The following CNTNAP5 variants were observed in gnomAD, a reference collection of about 807,000 sequenced individuals.
CNTNAP5 encodes contactin-associated protein-like 5.
In CNTNAP5, 72 loss-of-function variants were observed where a neutral mutation model predicts 150.2. That is an observed-to-expected ratio of 0.48 (90% CI 0.40 to 0.58). The LOEUF (loss-of-function observed/expected upper bound fraction) is 0.58. CNTNAP5 is among the 20% of genes least tolerant of loss of function. The pLI is 0.00. For synonymous variants in CNTNAP5, 672 were observed against 619.8 expected (o/e 1.08, Z -1.25); for missense variants, 1,636 against 1,626.2 (o/e 1.01, Z -0.10).
chr2:124,671,735 G>T (rs1678827526), intron 13 of CNTNAP5, among the ~76,000 whole-genome samples: 1 of 152,078 alleles, frequency 6.6e-6, no homozygotes, highest in African/African-American at 2.4e-5. Context: ...TGCCTCCCAG[G>T]TTCAAGTGAT....
rs922495787 is a variant in CNTNAP5, at chr2:124,241,699, C to G, written c.188-501C>G. 1.3e-5 allele frequency among the ~76,000 whole-genome samples: 2 copies of G among 152,142 alleles called. 1 individual carries two copies. The highest frequency in any genetic ancestry group is 4.2e-4 in the South Asian group (2 of 4,816). ...CGGTGTCCTTTCATCTTTGTATCTG[C>G]AGCACAATATCTTGACCATGATAGG... On this transcript the variant is annotated intron_variant, in intron 2 of 23. Coordinates refer to ENST00000682447, the MANE Select transcript of CNTNAP5 (RefSeq NM_001367498.1).
intron 19 of CNTNAP5, among the ~76,000 whole-genome samples, chr2:124,854,091 C>T (rs1677291702): frequency 6.6e-6 from 1 of 152,200 alleles, no homozygotes; most frequent in Non-Finnish European, 1.5e-5. Flanking sequence ...CATGTCTTTG[C>T]TATTGCGAAT....
chr2:124,049,435 A>G (rs1008475274), intron 1 of CNTNAP5, among the ~76,000 whole-genome samples: 2 of 152,220 alleles, frequency 1.3e-5, no homozygotes, highest in Non-Finnish European at 2.9e-5. Context: ...TTTCAACCTG[A>G]ACAGTCAAAA....
At chr2:124,554,422 C>CTTTTTTTTTTTTT in intron 10 of CNTNAP5, among the ~76,000 whole-genome samples, 1 of 137,132 alleles carries the variant, frequency 7.3e-6, no homozygotes, top group Non-Finnish European at 1.5e-5. Flanking sequence ...ATACTTTTTT[C>CTTTTTTTTTTTTT]TTTTTTTTTT....
At chr2:124,226,974 T>C (rs937623619) in intron 2 of CNTNAP5, among the ~76,000 whole-genome samples, 1 of 152,138 alleles carries the variant, frequency 6.6e-6, no homozygotes, top group Non-Finnish European at 1.5e-5. Flanking sequence ...GATTAATCTA[T>C]TCATGAGGTC....
Position 124,242,401 on chromosome 2 carries a change from A to T in CNTNAP5, c.381+8A>T. The T allele has an allele frequency of 6.2e-7, 1 of 1,610,084 alleles. No homozygotes were observed. The highest frequency in any genetic ancestry group is 8.5e-7 in the Non-Finnish European group (1 of 1,177,708). ...CAAGAAGACAGCATCTGGGTAGGACATCTTTTTCCTTCCAATGAATAAAAC... is the reference window on the plus strand; with the variant it reads ...CAAGAAGACAGCATCTGGGTAGGACTTCTTTTTCCTTCCAATGAATAAAAC... On this transcript the variant is annotated splice_region_variant and intron_variant, in intron 3 of 23. Transcript: ENST00000682447.
intron 1 of CNTNAP5, among the ~76,000 whole-genome samples, chr2:124,122,088 G>A (rs1310141679): frequency 2.0e-5 from 3 of 152,114 alleles, no homozygotes; most frequent in Admixed American, 1.3e-4. Context: ...ATGGGATTAC[G>A]TGGTGGGCCA....
intron 3 of CNTNAP5, among the ~76,000 whole-genome samples, chr2:124,326,478 A>G (rs1323825046): frequency 1.3e-5 from 2 of 152,190 alleles, no homozygotes; most frequent in Non-Finnish European, 2.9e-5. Flanking sequence ...GACAGAGAAA[A>G]AAACAAAATA....
chr2:124,416,444 G>A (rs1266837416), intron 3 of CNTNAP5, among the ~76,000 whole-genome samples: 1 of 151,426 alleles, frequency 6.6e-6, no homozygotes, highest in African/African-American at 2.4e-5. Flanking sequence ...TAAAGGCTAT[G>A]AAGTACAATA....
At chr2:124,172,967 T>C (rs1336177383) in intron 1 of CNTNAP5, among the ~76,000 whole-genome samples, 1 of 152,226 alleles carries the variant, frequency 6.6e-6, no homozygotes, top group Non-Finnish European at 1.5e-5. Flanking sequence ...ACCTTTCCAA[T>C]AGCATGTGCT....
At chr2:124,558,467 C>T (rs1695810337) in intron 10 of CNTNAP5, among the ~76,000 whole-genome samples, 1 of 61,266 alleles carries the variant, frequency 1.6e-5, no homozygotes, top group Non-Finnish European at 3.7e-5. Flanking sequence ...AGCTGTCCAG[C>T]AGACAGCTGC....
chr2:124,768,153 A>G (rs959727332), intron 16 of CNTNAP5, among the ~76,000 whole-genome samples: 1 of 152,164 alleles, frequency 6.6e-6, no homozygotes, highest in Admixed American at 6.5e-5. Context: ...GAGACAATCA[A>G]TGAGGATTCT....
chr2:124,210,212 A>G (rs1399880112), intron 1 of CNTNAP5, among the ~76,000 whole-genome samples: 1 of 152,214 alleles, frequency 6.6e-6, no homozygotes, highest in Non-Finnish European at 1.5e-5. Context: ...GAATATAAAT[A>G]TATGGTTTTT....
chr2:124,761,703 T>C (rs1460729223), intron 14 of CNTNAP5, among the ~76,000 whole-genome samples: 2 of 152,146 alleles, frequency 1.3e-5, no homozygotes, highest in Non-Finnish European at 2.9e-5. Flanking sequence ...TTTAAATTTG[T>C]GTCTGTTTCT....
At chr2:124,168,924 G>A (rs1458500093) in intron 1 of CNTNAP5, among the ~76,000 whole-genome samples, 1 of 152,060 alleles carries the variant, frequency 6.6e-6, no homozygotes, top group Admixed American at 6.6e-5. Flanking sequence ...CACTCCATCT[G>A]ACCATCCCTA....
intron 7 of CNTNAP5, among the ~76,000 whole-genome samples, chr2:124,486,750 G>A (rs1204512191): frequency 2.0e-5 from 3 of 152,082 alleles, no homozygotes; most frequent in Non-Finnish European, 2.9e-5. Context: ...TTAGTAAAAT[G>A]TCAATTTATT....
At chr2:124,803,900 C>G (rs1486671025) in intron 19 of CNTNAP5, among the ~76,000 whole-genome samples, 1 of 152,094 alleles carries the variant, frequency 6.6e-6, no homozygotes, top group African/African-American at 2.4e-5. Context: ...CTCCACATAG[C>G]CCCTCCCTGA....
intron 3 of CNTNAP5, among the ~76,000 whole-genome samples, chr2:124,255,798 A>G (rs962353088): frequency 1.3e-5 from 2 of 152,118 alleles, no homozygotes; most frequent in African/African-American, 2.4e-5. Flanking sequence ...GTGCATTTTC[A>G]TAGCCACTTA....
At chr2:124,556,659 G>A (rs1232005344) in intron 10 of CNTNAP5, among the ~76,000 whole-genome samples, 1 of 152,060 alleles carries the variant, frequency 6.6e-6, no homozygotes, top group African/African-American at 2.4e-5. Context: ...ATCGGGGTGG[G>A]GTGATAAGTG....
Sources: gnomAD v4.1 joint callset for allele counts (sites outside exome capture counted in the v4.1 genomes callset) on GRCh38, gnomAD v4.1.1 for gene constraint, MANE v1.5 for transcripts, NCBI Gene and HGNC (gene_info 2026-07-23, HGNC 2026-07-21) for gene names.